DPP6: variants seen among roughly 807,000 people sequenced by gnomAD.
DPP6 encodes the protein A-type potassium channel modulatory protein DPP6.
Under a neutral mutation model 122.6 loss-of-function variants are expected in DPP6, and 69 were observed. The ratio of observed to expected loss-of-function variants is 0.56; its 90% CI spans 0.46 to 0.69. DPP6 has a LOEUF of 0.69. Ranked by LOEUF, DPP6 falls within the 30% of genes least tolerant of loss-of-function variation. The pLI, the probability that DPP6 is intolerant of heterozygous loss-of-function variation, is 0.00. For synonymous variants in DPP6, 418 were observed against 433.1 expected, an observed-to-expected ratio of 0.97 and a Z score of 0.43; for missense variants, 928 against 1,116.9, an observed-to-expected ratio of 0.83 and a Z score of 2.41.
intron 1 of DPP6, among the ~76,000 whole-genome samples, chr7:154,044,906 T>TC (rs1045223354): frequency 4.6e-5 from 7 of 152,092 alleles, no homozygotes; most frequent in African/African-American, 1.7e-4. Flanking sequence ...GTAAGGCTTT[T>TC]TTTTCTTTGC....
At chr7:154,310,140 C>A (rs529758870) in intron 1 of DPP6, among the ~76,000 whole-genome samples, 2 of 152,272 alleles carry the variant, frequency 1.3e-5, no homozygotes, top group South Asian at 2.1e-4. Context: ...GGTCCAGAAC[C>A]AGAGCTCCCT....
chr7:154,063,482 C>T (rs1250506654), intron 1 of DPP6, among the ~76,000 whole-genome samples: 4 of 129,574 alleles, frequency 3.1e-5, no homozygotes, highest in Admixed American at 2.4e-4. Flanking sequence ...GAGAGCCATT[C>T]CCTCTTCCCC....
At chr7:154,283,576 T>C (rs971445749) in intron 1 of DPP6, among the ~76,000 whole-genome samples, 1 of 151,738 alleles carries the variant, frequency 6.6e-6, no homozygotes, top group African/African-American at 2.4e-5. Flanking sequence ...TTTGAGAAAC[T>C]TACTCTTTAT....
intron 7 of DPP6, among the ~76,000 whole-genome samples, chr7:154,703,823 C>T (rs545814484): frequency 6.6e-6 from 1 of 150,828 alleles, no homozygotes; most frequent in Non-Finnish European, 1.5e-5. Flanking sequence ...TGTAGTCCCA[C>T]CTACTCAGGG....
intron 10 of DPP6, among the ~76,000 whole-genome samples, chr7:154,789,494 C>G (rs190128022): frequency 6.6e-6 from 1 of 152,208 alleles, no homozygotes; most frequent in Non-Finnish European, 1.5e-5. Flanking sequence ...TCTGGTTTCA[C>G]CAGTGCCATC....
Position 154,819,981 on chromosome 7 carries a change from G to A in DPP6, c.1666+12869G>A, listed in dbSNP as rs113893235. 4.3e-3 allele frequency among the ~76,000 whole-genome samples: 661 copies of A among 152,322 alleles called. 2 individuals carry two copies. The highest frequency in any genetic ancestry group is 0.015 in the African/African-American group (624 of 41,560). On this transcript the variant is annotated intron_variant, in intron 16 of 25. Coordinates refer to ENST00000377770, the MANE Select transcript of DPP6 (RefSeq NM_130797.4). ...ACTTGGCCAGGGAGACTTCCAGAGT[G>A]GACGGTGGGGCTGGAAGGGGAGCTG... is the stretch of plus-strand genomic sequence containing the variant.
chr7:154,176,954 CT>C (rs1797835058), intron 1 of DPP6, among the ~76,000 whole-genome samples: 1 of 152,154 alleles, frequency 6.6e-6, no homozygotes, highest in Non-Finnish European at 1.5e-5. Context: ...CCACCTCAGC[CT>C]CCCAAGTAGC....
chr7:153,983,294 G>A (rs376216726), intron 1 of DPP6, among the ~76,000 whole-genome samples: 320 of 152,368 alleles, frequency 2.1e-3, no homozygotes, highest in African/African-American at 6.8e-3. Flanking sequence ...GCTTGGCCGT[G>A]CTGCCATGGG....
At chr7:154,076,369 G>A (rs1803551879) in intron 1 of DPP6, among the ~76,000 whole-genome samples, 1 of 151,960 alleles carries the variant, frequency 6.6e-6, no homozygotes, top group African/African-American at 2.4e-5. Context: ...AGAATCTCTT[G>A]AACCTGGGAG....
chr7:154,278,416 G>A (rs1015634511), intron 1 of DPP6, among the ~76,000 whole-genome samples: 1 of 152,180 alleles, frequency 6.6e-6, no homozygotes, highest in Non-Finnish European at 1.5e-5. Context: ...AGGAAACTCA[G>A]GCAGGAACTA....
the DPP6 span, among the ~76,000 whole-genome samples, chr7:153,844,318 T>C: frequency 1.3e-5 from 2 of 152,260 alleles, no homozygotes; most frequent in Admixed American, 6.5e-5. Context: ...GGCTTGGCGC[T>C]GATCCTGATT....
intron 1 of DPP6, among the ~76,000 whole-genome samples, chr7:154,330,033 C>T (rs55977703): frequency 0.01 from 1,496 of 148,068 alleles, 24 homozygotes; most frequent in African/African-American, 0.035. Flanking sequence ...GCCTGTCGGG[C>T]GGTGGAGGGG....
chr7:154,724,861 A>C (rs972083438), intron 7 of DPP6, among the ~76,000 whole-genome samples: 1 of 152,230 alleles, frequency 6.6e-6, no homozygotes, highest in Non-Finnish European at 1.5e-5. Flanking sequence ...TGATGGTTGC[A>C]CAAAAATATG....
chr7:154,563,331 A>G (rs1226770077), intron 4 of DPP6, among the ~76,000 whole-genome samples: 1 of 152,190 alleles, frequency 6.6e-6, no homozygotes, highest in Non-Finnish European at 1.5e-5. Flanking sequence ...GCAGAGAGCT[A>G]AGAGGGAACT....
chr7:153,873,258 G>A, the DPP6 span, among the ~76,000 whole-genome samples: 1 of 152,204 alleles, frequency 6.6e-6, no homozygotes, highest in African/African-American at 2.4e-5. Context: ...CCAGGCATCT[G>A]CCCTCATGAC....
At chr7:154,235,969 C>T (rs937227043) in intron 1 of DPP6, among the ~76,000 whole-genome samples, 2 of 152,196 alleles carry the variant, frequency 1.3e-5, no homozygotes, top group African/African-American at 4.8e-5. Flanking sequence ...TCTCTTGCCT[C>T]AGTCTCCCAG....
intron 16 of DPP6, among the ~76,000 whole-genome samples, chr7:154,825,800 A>G (rs1020300552): frequency 6.6e-6 from 1 of 152,232 alleles, no homozygotes; most frequent in Non-Finnish European, 1.5e-5. Flanking sequence ...CACGTGGAGA[A>G]GGAACAGGAA....
chr7:154,625,855 G>C (rs1394119986), intron 5 of DPP6, among the ~76,000 whole-genome samples: 1 of 152,196 alleles, frequency 6.6e-6, no homozygotes, highest in Non-Finnish European at 1.5e-5. Context: ...ACCTGTTTTG[G>C]ATTTGGAGCC....
intron 5 of DPP6, among the ~76,000 whole-genome samples, chr7:154,617,294 A>T (rs536505928): frequency 6.6e-6 from 1 of 152,318 alleles, no homozygotes; most frequent in South Asian, 2.1e-4. Flanking sequence ...AAGCAGAAGA[A>T]GTTTCTTTGG....
Sources: gnomAD v4.1 joint callset for allele counts (sites outside exome capture counted in the v4.1 genomes callset) on GRCh38, gnomAD v4.1.1 for gene constraint, MANE v1.5 for transcripts, NCBI Gene and HGNC (gene_info 2026-07-23, HGNC 2026-07-21) for gene names.